ELOVL7: variants seen among roughly 807,000 people sequenced by gnomAD.
ELOVL7 encodes the protein very long chain fatty acid elongase 7.
A neutral mutation model predicts 35.7 loss-of-function variants in ELOVL7; 27 were observed. The ratio of observed to expected loss-of-function variants is 0.76; its 90% CI spans 0.56 to 1.04. ELOVL7 has a LOEUF of 1.04. Among genes scored for constraint, ELOVL7 ranks in the 50% least tolerant of loss-of-function variants. The pLI, the probability that ELOVL7 is intolerant of heterozygous loss-of-function variation, is 0.00. For missense variants in ELOVL7, 327 were observed against 340.8 expected (o/e 0.96, Z 0.32); for synonymous variants, 113 against 114.6 (o/e 0.99, Z 0.09).
chr5:60,795,636 G>A (rs972329081), intron 2 of ELOVL7, among the ~76,000 whole-genome samples: 3 of 152,192 alleles, frequency 2.0e-5, no homozygotes, highest in African/African-American at 4.8e-5. Flanking sequence ...GCTGAATGCC[G>A]ATGTCGGAGA....
rs764734594 is a variant in ELOVL7, at chr5:60,764,316, C to A, written c.410G>T (p.Arg137Leu). The A allele has an allele frequency of 1.9e-6, 3 of 1,611,102 alleles. No individual in the cohort carries two copies. Among genetic ancestry groups the A allele is most frequent in the East Asian group, 2.2e-5 (1 of 44,808 alleles). ...ELLDTIFFVL[R>L]KKNSQVTFLH... ...GAAAGTCACTTGGCTATTTTTCTTG[C>A]GCAGAACAAAAAAGATCTGAAATAA... is the stretch of plus-strand genomic sequence containing the variant. The change falls in exon 7 of 9, where the codon CGC becomes CTC. Residue 137 changes from arginine (R) to leucine (L), a missense_variant. Arg to Leu is a moderately radical substitution (Grantham distance 102). Transcript: ENST00000508821.
chr5:60,754,812 T>C lies in ELOVL7; in HGVS notation c.658A>G (p.Ile220Val). The change falls in exon 9 of 9, where the codon ATC (isoleucine) becomes GTC (valine). Residue 220 changes from isoleucine (I) to valine (V), a missense_variant. Transcript: ENST00000508821. Reference protein sequence around the residue: ...LQLVQFVIVAIHISQFFFMED... With the variant: ...LQLVQFVIVAVHISQFFFMED... ...ATGAAAAAGAACTGGCTTATGTGGA[T>C]GGCGACAATAACAAACTGGACCTAA... 6.2e-7 allele frequency: 1 copy of C among 1,614,084 alleles called. No homozygotes were observed. Among genetic ancestry groups the C allele is most frequent in the Non-Finnish European group, 8.5e-7 (1 of 1,180,002 alleles).
At chr5:60,812,322 TGTTAA>T (rs1482512082) in intron 1 of ELOVL7, among the ~76,000 whole-genome samples, 20 of 152,194 alleles carry the variant, frequency 1.3e-4, no homozygotes, top group African/African-American at 4.8e-4. Flanking sequence ...AGTTTCTTGC[TGTTAA>T]GTTTGACAAT....
intron 1 of ELOVL7, chr5:60,843,370 CCCATTTCCCAACGAACCT>C (rs1747298428): frequency 6.6e-6 from 1 of 151,952 alleles, no homozygotes; most frequent in Non-Finnish European, 1.5e-5. Context: ...CCTGGGAAAG[CCCATTTCCCAACGAACCT>C]GGGAAAGCCC....
Position 60,817,830 on chromosome 5 carries a change from ATG to A in ELOVL7, c.-85-18602_-85-18601del, listed in dbSNP as rs1225449225. Among the ~76,000 whole-genome samples, 72 of 145,216 alleles carry A rather than the reference ATG, an allele frequency of 5.0e-4. 1 individual carries two copies. The highest frequency in any genetic ancestry group is 1.6e-3 in the African/African-American group (61 of 39,214). On this transcript the variant is annotated intron_variant, in intron 1 of 8. Transcript: ENST00000508821. ...CATATATATGTGTGTGTGTATATAT[ATG>A]TGTGTGTGTGTGTGTGTATATATAT...
chr5:60,802,222 G>A (rs1321123796), intron 1 of ELOVL7, among the ~76,000 whole-genome samples: 2 of 151,116 alleles, frequency 1.3e-5, no homozygotes, highest in Non-Finnish European at 2.9e-5. Flanking sequence ...TTTACTTTAG[G>A]TATGGGATTG....
chr5:60,806,489 A>C (rs774699969), intron 1 of ELOVL7, among the ~76,000 whole-genome samples: 1 of 152,194 alleles, frequency 6.6e-6, no homozygotes, highest in Non-Finnish European at 1.5e-5. Flanking sequence ...GGGGACACCC[A>C]TGTTTAGGAA....
At chr5:60,812,845 C>G (rs559295177) in intron 1 of ELOVL7, among the ~76,000 whole-genome samples, 14 of 152,310 alleles carry the variant, frequency 9.2e-5, no homozygotes, top group African/African-American at 3.4e-4. Flanking sequence ...TGGCCTCAAG[C>G]CTTTCCATCA....
chr5:60,843,304 C>A (rs571417619), intron 1 of ELOVL7: 1 of 152,118 alleles, frequency 6.6e-6, no homozygotes, highest in Non-Finnish European at 1.5e-5. Flanking sequence ...CTGTCCGCAC[C>A]GGGTGAAGTT....
chr5:60,783,391 A>G (rs1037555427), intron 3 of ELOVL7, among the ~76,000 whole-genome samples: 10 of 152,320 alleles, frequency 6.6e-5, no homozygotes, highest in African/African-American at 2.4e-4. Context: ...CATTAGGATG[A>G]CACCCATGAC....
At chr5:60,821,679 A>G (rs6871557) in intron 1 of ELOVL7, among the ~76,000 whole-genome samples, 124,089 of 152,282 alleles carry the variant, frequency 0.81, 50,782 homozygotes, top group East Asian at 0.91. Context: ...ACACTCTAGG[A>G]CAGTGGCCTG....
chr5:60,785,101 T>G (rs74984041), intron 3 of ELOVL7, among the ~76,000 whole-genome samples: 145 of 152,284 alleles, frequency 9.5e-4, no homozygotes, highest in African/African-American at 3.2e-3. Context: ...GCTACAGCAG[T>G]GTCAGACCTT....
At chr5:60,758,203 T>C (rs1185237160) in intron 7 of ELOVL7, among the ~76,000 whole-genome samples, 2 of 152,174 alleles carry the variant, frequency 1.3e-5, no homozygotes, top group African/African-American at 4.8e-5. Flanking sequence ...TTCACATAAA[T>C]GGAATTACAC....
intron 1 of ELOVL7, among the ~76,000 whole-genome samples, chr5:60,805,820 T>C (rs1744891566): frequency 6.6e-6 from 1 of 152,198 alleles, no homozygotes; most frequent in Non-Finnish European, 1.5e-5. Flanking sequence ...TCTTATCTTT[T>C]CTACTCATGA....
At chr5:60,755,573 C>T (rs2112114430) in intron 8 of ELOVL7, among the ~76,000 whole-genome samples, 1 of 152,238 alleles carries the variant, frequency 6.6e-6, no homozygotes, top group Non-Finnish European at 1.5e-5. Flanking sequence ...AGGAGAATCG[C>T]TTGAACCTGG....
chr5:60,806,260 G>A (rs114737874), intron 1 of ELOVL7, among the ~76,000 whole-genome samples: 2 of 152,276 alleles, frequency 1.3e-5, no homozygotes, highest in Non-Finnish European at 2.9e-5. Context: ...ATAAATATCT[G>A]TTGCTTAAAC....
intron 3 of ELOVL7, among the ~76,000 whole-genome samples, chr5:60,782,777 T>C (rs995424635): frequency 6.6e-6 from 1 of 152,178 alleles, no homozygotes; most frequent in African/African-American, 2.4e-5. Context: ...AGAATGGTGG[T>C]TACCAGAGGC....
In ELOVL7 at chr5:60,756,528, T is replaced by C. The variant is rs1412296432; in HGVS notation, c.636+981A>G. ...AAAGTATGAATTAAAATAATATATT[T>C]TACCATATCCTTATGATTGGTCATT... On this transcript the variant is annotated intron_variant, in intron 8 of 8. Coordinates refer to ENST00000508821, the MANE Select transcript of ELOVL7 (RefSeq NM_024930.3). Among the ~76,000 whole-genome samples the C allele has an allele frequency of 5.3e-5, 8 of 152,304 alleles. No individual in the cohort carries two copies. The East Asian group carries it at 1.5e-3, about 29-fold the overall frequency.
intron 1 of ELOVL7, among the ~76,000 whole-genome samples, chr5:60,815,451 C>A (rs964271845): frequency 6.6e-6 from 1 of 152,130 alleles, no homozygotes; most frequent in Non-Finnish European, 1.5e-5. Context: ...AAAAACCTTG[C>A]AGAAGTTATC....
Sources: gnomAD v4.1 joint callset for allele counts (sites outside exome capture counted in the v4.1 genomes callset) on GRCh38, gnomAD v4.1.1 for gene constraint, MANE v1.5 for transcripts, NCBI Gene and HGNC (gene_info 2026-07-23, HGNC 2026-07-21) for gene names.